The following SYT2 variants were observed in gnomAD, a reference collection of about 807,000 sequenced individuals.
The protein encoded by SYT2 is synaptotagmin-2.
Under a neutral mutation model 39.9 loss-of-function variants are expected in SYT2, and 15 were observed. The observed-to-expected ratio is 0.38, with a 90% CI of 0.25 to 0.58. The LOEUF is 0.58. Ranked by LOEUF, SYT2 falls within the 20% of genes least tolerant of loss-of-function variation. The pLI, the probability that SYT2 is intolerant of heterozygous loss-of-function variation, is 0.70. For missense variants in SYT2, 389 were observed against 530.3 expected (o/e 0.73, Z 2.62); for synonymous variants, 181 against 204.5 (o/e 0.89, Z 0.98).
chr1:202,606,845 A>AT (rs931754316), intron 1 of SYT2, among the ~76,000 whole-genome samples: 2 of 151,768 alleles, frequency 1.3e-5, no homozygotes, highest in Admixed American at 1.3e-4. Context: ...CTATGCTGGT[A>AT]TTTTTTCTGA....
At chr1:202,633,243 AGCTCTT>A (rs1397721024) in intron 1 of SYT2, among the ~76,000 whole-genome samples, 2 of 152,084 alleles carry the variant, frequency 1.3e-5, no homozygotes, top group African/African-American at 4.8e-5. Flanking sequence ...CTGGGTGCCC[AGCTCTT>A]TCCCATAAGT....
At chr1:202,652,170 G>T (rs1362315900) in intron 1 of SYT2, among the ~76,000 whole-genome samples, 1 of 152,224 alleles carries the variant, frequency 6.6e-6, no homozygotes, top group Non-Finnish European at 1.5e-5. Context: ...CAGTGGAAGG[G>T]GCCCGAGGAG....
rs755872338 is a variant in SYT2 at position 202,596,915 on chromosome 1, T to C, written c.1102A>G (p.Asn368Asp). ...ACGAAGATCTTGCCTATGGCTTCGT[T>C]CTTGCCCAGCTTGTCATAGTCCAGC... ...TVLDYDKLGK[N>D]EAIGKIFVGS... The change falls in exon 9 of 9, where the codon AAC (asparagine) becomes GAC (aspartate). Residue 368 changes from asparagine (N) to aspartate (D), a missense_variant. This residue lies in a region of SYT2 where 84 missense variants were observed against 123.1 expected (regional missense o/e 0.68). Transcript: ENST00000367268. The C allele has an allele frequency of 1.9e-6, 3 of 1,614,240 alleles. No homozygotes were observed. In the Admixed American group the frequency reaches 5.0e-5, roughly 27 times the overall value.
At chr1:202,672,249 A>G (rs983146742) in intron 1 of SYT2, among the ~76,000 whole-genome samples, 1 of 152,236 alleles carries the variant, frequency 6.6e-6, no homozygotes, top group African/African-American at 2.4e-5. Context: ...CCCAAAATTC[A>G]TATGTTGAAA....
chr1:202,709,228 C>T lies in SYT2; in HGVS notation c.-18+1030G>A, dbSNP rs1182640538. Among the ~76,000 whole-genome samples, 5 of 152,184 alleles carry T rather than the reference C, an allele frequency of 3.3e-5. No individual in the cohort carries two copies. The East Asian group carries it at 9.6e-4, about 29-fold the overall frequency. ...CCAGCACCTCTTCTGTCCTTGCACT[C>T]CCTTCTCCTGCTGCGGGGAGAGCAC... On this transcript the variant is annotated intron_variant, in intron 1 of 8. Coordinates refer to ENST00000367268, the MANE Select transcript of SYT2 (RefSeq NM_177402.5).
chr1:202,592,542 G>C lies in SYT2; in HGVS notation c.*4215C>G, dbSNP rs1350610211. The stretch of plus-strand genomic sequence containing the variant: ...GCTATTTACAGAAAGTTATAGACAT[G>C]CATCTTGATTAAACAAGATTCTGTT... On this transcript the variant is annotated 3_prime_UTR_variant, in exon 9 of 9. Coordinates refer to ENST00000367268, the MANE Select transcript of SYT2 (RefSeq NM_177402.5). The C allele has an allele frequency of 2.6e-5, 4 of 152,236 alleles. No individual in the cohort carries two copies. Among genetic ancestry groups the C allele is most frequent in the African/African-American group, 9.7e-5 (4 of 41,450 alleles). 9.4% of individuals were successfully genotyped at this position (152,236 alleles called of 1,614,324 possible).
intron 1 of SYT2, among the ~76,000 whole-genome samples, chr1:202,612,491 C>A (rs1474689376): frequency 2.0e-5 from 3 of 152,274 alleles, no homozygotes; most frequent in African/African-American, 7.2e-5. Flanking sequence ...CCTCAGCCTT[C>A]TGAGTAGCTA....
chr1:202,682,448 G>A (rs1653549269), intron 1 of SYT2, among the ~76,000 whole-genome samples: 1 of 152,230 alleles, frequency 6.6e-6, no homozygotes, highest in Non-Finnish European at 1.5e-5. Flanking sequence ...GAGGCAGATG[G>A]ACAAGAAGGG....
intron 1 of SYT2, among the ~76,000 whole-genome samples, chr1:202,664,034 C>T (rs1449555753): frequency 6.6e-6 from 1 of 152,190 alleles, no homozygotes; most frequent in Non-Finnish European, 1.5e-5. Flanking sequence ...TGCCTTGCTG[C>T]GTGCTCTTCT....
At chr1:202,699,239 C>T (rs1010225893) in intron 1 of SYT2, among the ~76,000 whole-genome samples, 22 of 152,028 alleles carry the variant, frequency 1.4e-4, no homozygotes, top group Non-Finnish European at 3.1e-4. Flanking sequence ...CCAGACTGGT[C>T]TTGAACTCCT....
In SYT2 at chr1:202,696,829, C is replaced by T. The variant is rs555668396; in HGVS notation, c.-18+13429G>A. ...TTGGACAAAAAAAGGCATCTTAGCA[C>T]TATGGAATGTATTTGAAGCAGGGGG... is the stretch of plus-strand genomic sequence containing the variant. On this transcript the variant is annotated intron_variant, in intron 1 of 8. Transcript: ENST00000367268. 7.2e-5 allele frequency among the ~76,000 whole-genome samples: 11 copies of T among 152,364 alleles called. No individual in the cohort carries two copies. The South Asian group carries it at 2.3e-3, about 32-fold the overall frequency.
chr1:202,701,729 G>T (rs1221220726), intron 1 of SYT2, among the ~76,000 whole-genome samples: 2 of 152,140 alleles, frequency 1.3e-5, no homozygotes, highest in African/African-American at 4.8e-5. Context: ...TGCCATCATG[G>T]AAACTGCTTT....
Position 202,707,482 on chromosome 1 carries a change from G to C in SYT2, c.-18+2776C>G, listed in dbSNP as rs550460264. Among the ~76,000 whole-genome samples the C allele has an allele frequency of 3.3e-5, 5 of 152,236 alleles. No individual in the cohort carries two copies. In the East Asian group the frequency reaches 9.7e-4, roughly 29 times the overall value. ...GTGGGGATACTCTGGCTTCAGCTAGGACCTGCCTAGACTGGGGAAGTCCAC... is the reference window on the plus strand; with the variant it reads ...GTGGGGATACTCTGGCTTCAGCTAGCACCTGCCTAGACTGGGGAAGTCCAC... On this transcript the variant is annotated intron_variant, in intron 1 of 8. Transcript: ENST00000367268.
chr1:202,601,848 C>T lies in SYT2; in HGVS notation c.801+42G>A, dbSNP rs754015817. The T allele has an allele frequency of 5.0e-6, 8 of 1,595,644 alleles. No individual in the cohort carries two copies. The East Asian group carries it at 1.8e-4, about 36-fold the overall frequency. ...GCCAAGAGGTGGAAGCCCACCTGTA[C>T]ATTCGTCTTTCTGCCCAACCTGGCC... On this transcript the variant is annotated intron_variant, in intron 6 of 8. Transcript: ENST00000367268. This position sits in a 1 kb window ranked among gnomAD's most constrained non-coding sequence, Gnocchi z 4.0.
intron 1 of SYT2, among the ~76,000 whole-genome samples, chr1:202,619,126 G>A (rs569483469): frequency 2.0e-5 from 3 of 152,346 alleles, no homozygotes; most frequent in South Asian, 2.1e-4. Flanking sequence ...GGGGAGGAAT[G>A]GCGGCGAGAA....
intron 1 of SYT2, among the ~76,000 whole-genome samples, chr1:202,685,914 G>A (rs1653653971): frequency 6.6e-6 from 1 of 152,094 alleles, no homozygotes; most frequent in Admixed American, 6.5e-5. Context: ...TCTGGGGCAT[G>A]GGGGTGTGCA....
chr1:202,658,062 G>C (rs994075463), intron 1 of SYT2, among the ~76,000 whole-genome samples: 11 of 152,026 alleles, frequency 7.2e-5, no homozygotes, highest in South Asian at 2.1e-4. Flanking sequence ...GAGTGACCTT[G>C]GGCAAGTCAC....
intron 1 of SYT2, among the ~76,000 whole-genome samples, chr1:202,684,204 A>G (rs1375892261): frequency 1.3e-5 from 2 of 152,150 alleles, no homozygotes; most frequent in Non-Finnish European, 2.9e-5. Flanking sequence ...TCAGCACATG[A>G]TTCGGTATGA....
intron 3 of SYT2, among the ~76,000 whole-genome samples, 197 bp from the exon 4 acceptor site, chr1:202,603,315 C>T (rs1299999405): frequency 1.3e-5 from 2 of 152,184 alleles, no homozygotes; most frequent in Non-Finnish European, 2.9e-5. Context: ...GGTGGCTCCT[C>T]TACCCCCAAC....
Sources: allele counts gnomAD v4.1 joint callset (sites outside exome capture counted in the v4.1 genomes callset), GRCh38; gene constraint gnomAD v4.1.1; regional missense constraint gnomAD v4.1.1; non-coding constraint Gnocchi (gnomAD v3.1); transcripts MANE v1.5; gene names NCBI Gene and HGNC (gene_info 2026-07-23, HGNC 2026-07-21).